THNSL1: variants seen among roughly 807,000 people sequenced by gnomAD.
THNSL1 encodes the protein threonine synthase like 1, also known as threonine synthase-like 1.
Under a neutral mutation model 50.4 loss-of-function variants are expected in THNSL1, and 48 were observed. The ratio of observed to expected loss-of-function variants is 0.95; its 90% CI spans 0.76 to 1.21. THNSL1 has a LOEUF of 1.21. THNSL1 is among the 50% of genes most tolerant of loss of function. The pLI is 0.00. For missense variants in THNSL1, 896 were observed against 871.7 expected, an observed-to-expected ratio of 1.03 and a Z score of -0.35; for synonymous variants, 309 against 306.1, an observed-to-expected ratio of 1.01 and a Z score of -0.10.
At chr10:24,995,881 A>G in the THNSL1 span, 1 of 1,589,422 alleles carries the variant, frequency 6.3e-7, no homozygotes, top group East Asian at 2.2e-5. Context: ...TGTTAAATAT[A>G]ACATTTCTTT....
the THNSL1 span, among the ~76,000 whole-genome samples, chr10:24,971,039 A>C: frequency 6.6e-6 from 1 of 152,038 alleles, no homozygotes; most frequent in Non-Finnish European, 1.5e-5. Flanking sequence ...AATAGTTTGC[A>C]CATCCAACAG....
chr10:24,990,433 A>G, the THNSL1 span: 3 of 1,592,260 alleles, frequency 1.9e-6, no homozygotes, highest in Non-Finnish European at 1.7e-6. Context: ...CCAAAGAGTT[A>G]CAGATGAATG....
chr10:25,023,392 A>C lies in THNSL1; in HGVS notation c.169A>C (p.Asn57His), dbSNP rs775260337. ...AACCCACTCTCTTGTTGGAGACAAA[A>C]ATATTATCCTGATGGGACCTCCTGG... Reference protein sequence around the residue: ...YSTHSLVGDKNIILMGPPGAG... With the variant: ...YSTHSLVGDKHIILMGPPGAG... The change falls in exon 3 of 3, where the codon AAT becomes CAT. Residue 57 changes from asparagine to histidine, a missense_variant. Transcript: ENST00000376356. 1.9e-6 allele frequency: 3 copies of C among 1,614,154 alleles called. No individual in the cohort carries two copies. The East Asian group carries it at 6.7e-5, about 36-fold the overall frequency.
At chr10:24,997,807 T>TTATATATATATATATATATA in the THNSL1 span, among the ~76,000 whole-genome samples, 436 of 144,866 alleles carry the variant, frequency 3.0e-3, 3 homozygotes, top group African/African-American at 9.8e-3. Context: ...CACAAAGGAT[T>TTATATATATATATATATATA]TATATATATA....
chr10:25,005,186 G>T, the THNSL1 span, among the ~76,000 whole-genome samples: 1 of 152,074 alleles, frequency 6.6e-6, no homozygotes, highest in South Asian at 2.1e-4. Flanking sequence ...TTGAAGTCAG[G>T]CAGTGTCATG....
At chr10:24,984,564 TTGTG>T in the THNSL1 span, 1 of 1,035,586 alleles carries the variant, frequency 9.7e-7, no homozygotes, top group Non-Finnish European at 1.4e-6. Context: ...AAATTTCTTC[TTGTG>T]TAAGTGAATA....
At chr10:24,979,413 G>A in the THNSL1 span, among the ~76,000 whole-genome samples, 1 of 152,174 alleles carries the variant, frequency 6.6e-6, no homozygotes, top group Non-Finnish European at 1.5e-5. Context: ...TCAGAGTCAG[G>A]AGAAAGTCTT....
chr10:25,006,660 A>C, the THNSL1 span, among the ~76,000 whole-genome samples: 2 of 152,368 alleles, frequency 1.3e-5, no homozygotes, highest in African/African-American at 4.8e-5. Flanking sequence ...TCACTGCATT[A>C]GAACAAGGTT....
the THNSL1 span, among the ~76,000 whole-genome samples, chr10:24,987,391 C>A: frequency 3.3e-5 from 5 of 152,092 alleles, no homozygotes; most frequent in Non-Finnish European, 7.3e-5. Flanking sequence ...AATCCCAACA[C>A]TTTGAGAGGC....
the THNSL1 span, among the ~76,000 whole-genome samples, chr10:24,963,407 T>C: frequency 3.3e-5 from 5 of 152,222 alleles, no homozygotes; most frequent in African/African-American, 1.2e-4. Context: ...AGCTCTTGCT[T>C]TAGGCGTAGT....
chr10:24,975,712 A>G, the THNSL1 span, among the ~76,000 whole-genome samples: 1 of 152,148 alleles, frequency 6.6e-6, no homozygotes, highest in Non-Finnish European at 1.5e-5. Flanking sequence ...AAGTTTCCTG[A>G]GGCCTCCCCA....
At chr10:24,980,760 A>G in the THNSL1 span, among the ~76,000 whole-genome samples, 6 of 152,144 alleles carry the variant, frequency 3.9e-5, no homozygotes, top group South Asian at 1.2e-3. Flanking sequence ...TCTGTCACCC[A>G]GGCTGGAGTG....
At chr10:24,963,157 A>T in the THNSL1 span, among the ~76,000 whole-genome samples, 1 of 152,186 alleles carries the variant, frequency 6.6e-6, no homozygotes, top group Non-Finnish European at 1.5e-5. Flanking sequence ...GGGATGAGAG[A>T]TGGGTGACTC....
the THNSL1 span, among the ~76,000 whole-genome samples, chr10:24,995,430 T>C: frequency 1.3e-5 from 2 of 152,322 alleles, no homozygotes; most frequent in East Asian, 3.9e-4. Flanking sequence ...ACAATAACTT[T>C]TATCTACTGA....
the THNSL1 span, among the ~76,000 whole-genome samples, chr10:24,981,190 G>A: frequency 6.6e-6 from 1 of 152,216 alleles, no homozygotes; most frequent in African/African-American, 2.4e-5. Flanking sequence ...CTGACTCTGA[G>A]TTCCTGAGAA....
chr10:24,998,039 G>T, the THNSL1 span, among the ~76,000 whole-genome samples: 2 of 152,134 alleles, frequency 1.3e-5, no homozygotes, highest in Non-Finnish European at 2.9e-5. Context: ...AAGCATGAAT[G>T]TTGTATTTCC....
chr10:24,967,754 ATG>A, the THNSL1 span, among the ~76,000 whole-genome samples: 1 of 150,698 alleles, frequency 6.6e-6, no homozygotes, highest in Non-Finnish European at 1.5e-5. Flanking sequence ...TGTATGATGT[ATG>A]TATATGCACG....
In THNSL1 at chr10:25,023,697, A is replaced by G; in HGVS notation, c.474A>G (p.Leu158=). 2.5e-6 allele frequency: 4 copies of G among 1,614,016 alleles called. No individual in the cohort carries two copies. Among genetic ancestry groups the G allele is most frequent in the Non-Finnish European group, 3.4e-6 (4 of 1,180,000 alleles). The change falls in exon 3 of 3, where the codon CTA becomes CTG. Residue 158 remains leucine, a synonymous_variant. Coordinates refer to ENST00000376356, the MANE Select transcript of THNSL1 (RefSeq NM_024838.5). ...NGIIVYLDVP[L]LDLICRLKLM... is the part of the protein sequence containing the mutation. Reference sequence around the variant, plus strand: ...TAATTGTATACCTGGATGTACCTCTACTAGATCTAATTTGTCGTCTAAAAT... The same window carrying G: ...TAATTGTATACCTGGATGTACCTCTGCTAGATCTAATTTGTCGTCTAAAAT...
the THNSL1 span, among the ~76,000 whole-genome samples, chr10:24,965,425 G>T: frequency 3.9e-5 from 6 of 152,130 alleles, no homozygotes. Context: ...CTGAGCCCCA[G>T]CCCTAAAGAG....
Sources: gnomAD v4.1 joint callset for allele counts (sites outside exome capture counted in the v4.1 genomes callset) on GRCh38, gnomAD v4.1.1 for gene constraint, MANE v1.5 for transcripts, NCBI Gene and HGNC (gene_info 2026-07-23, HGNC 2026-07-21) for gene names.